MEF2C: variants seen among roughly 807,000 people sequenced by gnomAD.
MEF2C encodes myocyte-specific enhancer factor 2C.
In MEF2C, 6 loss-of-function variants were observed where a neutral mutation model predicts 50.5. The ratio of observed to expected loss-of-function variants is 0.12; its 90% CI spans 0.07 to 0.23. MEF2C has a LOEUF of 0.23. Among genes scored for constraint, MEF2C ranks in the 10% least tolerant of loss-of-function variants. The pLI is 1.00. For synonymous variants in MEF2C, 183 were observed against 228.0 expected, an observed-to-expected ratio of 0.80 and a Z score of 1.78; for missense variants, 276 against 605.0, an observed-to-expected ratio of 0.46 and a Z score of 5.70.
intron 1 of MEF2C, among the ~76,000 whole-genome samples, chr5:88,867,049 G>GA (rs1475979047): frequency 1.3e-5 from 2 of 152,144 alleles, no homozygotes; most frequent in Non-Finnish European, 2.9e-5. Context: ...ATCGTAGCTG[G>GA]AAAAATATAT....
At chr5:88,738,816 T>C (rs887990760) in intron 6 of MEF2C, 4 of 985,188 alleles carry the variant, frequency 4.1e-6, no homozygotes, top group Admixed American at 1.2e-4. Flanking sequence ...CAGAAGACAC[T>C]GAATTCTCAT....
At chr5:88,844,078 G>C (rs1191848321) in intron 1 of MEF2C, among the ~76,000 whole-genome samples, 2 of 152,138 alleles carry the variant, frequency 1.3e-5, no homozygotes, top group African/African-American at 2.4e-5. Flanking sequence ...CCAAAGTGCT[G>C]GGATTACAGG....
At chr5:88,885,177 G>C (rs1389454171), upstream of MEF2C, among the ~76,000 whole-genome samples, 1 of 152,150 alleles carries the variant, frequency 6.6e-6, no homozygotes, top group African/African-American at 2.4e-5. Flanking sequence ...TATGCCTCCA[G>C]ATGACTATTT....
intron 1 of MEF2C, among the ~76,000 whole-genome samples, chr5:88,900,999 C>T (rs1340391729): frequency 6.6e-6 from 1 of 152,036 alleles, no homozygotes; most frequent in African/African-American, 2.4e-5. Context: ...GGCATCATTA[C>T]CTGGCTGCCC....
In MEF2C at chr5:88,719,116, T is replaced by C. The variant is rs1755439473; in HGVS notation, c.*3488A>G. ...ACAAAATAAAGAGGGCAAAAAATGC[T>C]ATCTCTAAGTTAAAAGATGGGTATG... On this transcript the variant is annotated 3_prime_UTR_variant, in exon 11 of 11. Transcript: ENST00000504921. 1 of 152,236 alleles carries C rather than the reference T, an allele frequency of 6.6e-6. No homozygotes were observed. Among genetic ancestry groups the C allele is most frequent in the Admixed American group, 6.5e-5 (1 of 15,284 alleles). The allele number at this position is 152,236 out of a possible 1,614,324, so 9.4% of individuals were successfully genotyped here. A position where few individuals can be genotyped will look rare whatever the true frequency, so the allele number is the denominator to read the frequency against.
At chr5:88,836,382 CCA>C (rs1815100811) in intron 1 of MEF2C, among the ~76,000 whole-genome samples, 1 of 151,938 alleles carries the variant, frequency 6.6e-6, no homozygotes, top group South Asian at 2.1e-4. Context: ...CCTCCAAAAC[CCA>C]GTCATGACTG....
At chr5:88,871,485 A>G (rs1395090459) in intron 1 of MEF2C, among the ~76,000 whole-genome samples, 1 of 152,024 alleles carries the variant, frequency 6.6e-6, no homozygotes, top group Non-Finnish European at 1.5e-5. Flanking sequence ...TTATCCAGGC[A>G]TTAAAACAGA....
chr5:88,761,033 T>C lies in MEF2C; in HGVS notation c.402+152A>G, dbSNP rs774007350. 7 of 1,611,054 alleles carry C rather than the reference T, an allele frequency of 4.3e-6. No homozygotes were observed. In the African/African-American group the frequency reaches 6.7e-5, roughly 15 times the overall value. ...TCATATTATCAAATTCTTCATTAAT[T>C]TTTTTGTATTTTTCTTCAGTGCGTG... On this transcript the variant is annotated intron_variant, in intron 4 of 10. Transcript: ENST00000504921.
chr5:88,867,710 A>G (rs959686821), intron 1 of MEF2C, among the ~76,000 whole-genome samples: 1 of 152,232 alleles, frequency 6.6e-6, no homozygotes, highest in African/African-American at 2.4e-5. Context: ...TGAAGAAAGT[A>G]AAAGTGGAAT....
chr5:88,877,892 G>A (rs1831559542), intron 1 of MEF2C: 1 of 151,830 alleles, frequency 6.6e-6, no homozygotes, highest in African/African-American at 2.4e-5. Context: ...CTAACTATAG[G>A]AGATCATTGC....
intron 4 of MEF2C, 34 bp downstream of exon 4, chr5:88,761,151 A>G: frequency 6.2e-7 from 1 of 1,614,008 alleles, no homozygotes; most frequent in Non-Finnish European, 8.5e-7. Context: ...AAATATCAAG[A>G]GTAAAAAAAA....
intron 5 of MEF2C, chr5:88,751,394 GTGGGAT>G (rs762520682): frequency 3.6e-5 from 35 of 985,076 alleles, no homozygotes; most frequent in Non-Finnish European, 4.1e-5. Context: ...TAAGTCCTTT[GTGGGAT>G]AAGTTACTGT....
chr5:88,769,962 A>G, intron 3 of MEF2C: 1 of 985,286 alleles, frequency 1.0e-6, no homozygotes, highest in Non-Finnish European at 1.2e-6. Flanking sequence ...AATAATCTTT[A>G]TAATGCAAGT....
intron 6 of MEF2C, among the ~76,000 whole-genome samples, chr5:88,746,856 A>G (rs1218247805): frequency 6.6e-6 from 1 of 152,186 alleles, no homozygotes; most frequent in African/African-American, 2.4e-5. Flanking sequence ...TTCTTCCTCT[A>G]TTTTTAAAAT....
At chr5:88,891,089 G>A (rs1170605061) in intron 1 of MEF2C, among the ~76,000 whole-genome samples, 1 of 152,104 alleles carries the variant, frequency 6.6e-6, no homozygotes, top group African/African-American at 2.4e-5. Context: ...AGGAGCATGG[G>A]GAATAATACT....
rs773886990 is a variant in MEF2C, at chr5:88,752,057, A to C, written c.403-14T>G. 2 of 1,586,534 alleles carry C rather than the reference A, an allele frequency of 1.3e-6. No individual in the cohort carries two copies. Among genetic ancestry groups the C allele is most frequent in the East Asian group, 4.5e-5 (2 of 44,502 alleles). ...AGGTGGAACAGCCTGCAGGAACAGA[A>C]AACAAAACAAAGGTAAAAGAAAAGA... On this transcript the variant is annotated splice_polypyrimidine_tract_variant and intron_variant, in intron 4 of 10. Coordinates refer to ENST00000504921, the MANE Select transcript of MEF2C (RefSeq NM_002397.5).
At chr5:88,803,495 T>A (rs1311368480) in intron 3 of MEF2C, among the ~76,000 whole-genome samples, 2 of 152,240 alleles carry the variant, frequency 1.3e-5, no homozygotes, top group Non-Finnish European at 2.9e-5. Flanking sequence ...ATGGCAAGAA[T>A]GACGTGTACT....
intron 3 of MEF2C, among the ~76,000 whole-genome samples, chr5:88,793,573 G>C (rs1471601907): frequency 1.3e-5 from 2 of 152,052 alleles, no homozygotes; most frequent in Non-Finnish European, 2.9e-5. Flanking sequence ...TTAGGTAAGT[G>C]AATCTGTTTT....
chr5:88,860,270 T>A (rs1002111433), intron 1 of MEF2C, among the ~76,000 whole-genome samples: 12 of 152,052 alleles, frequency 7.9e-5, no homozygotes, highest in Non-Finnish European at 4.4e-5. Context: ...AAGGGGGCAA[T>A]CCTGCTACTT....
Sources: allele counts gnomAD v4.1 joint callset (sites outside exome capture counted in the v4.1 genomes callset), GRCh38; gene constraint gnomAD v4.1.1; transcripts MANE v1.5; gene names NCBI Gene and HGNC (gene_info 2026-07-23, HGNC 2026-07-21).